The following NSL1 variants were observed in gnomAD, a reference collection of about 807,000 sequenced individuals.
The protein encoded by NSL1 is NSL1 component of MIS12 kinetochore complex, also known as kinetochore-associated protein NSL1 homolog.
In NSL1, 11 loss-of-function variants were observed where a neutral mutation model predicts 25.4. That is an observed-to-expected ratio of 0.43 (90% CI 0.27 to 0.72). NSL1 has a LOEUF of 0.72. Ranked by LOEUF, NSL1 falls within the 30% of genes least tolerant of loss-of-function variation. The probability of loss-of-function intolerance (pLI) is 0.19; values close to 1 mark genes in which losing one functional copy is unlikely to be tolerated. For synonymous variants in NSL1, 118 were observed against 120.6 expected (o/e 0.98, Z 0.14); for missense variants, 330 against 342.7 (o/e 0.96, Z 0.29).
chr1:212,761,628 T>A (rs1309274421), intron 4 of NSL1, among the ~76,000 whole-genome samples: 1 of 151,324 alleles, frequency 6.6e-6, no homozygotes, highest in Admixed American at 6.6e-5. Context: ...TCTGAAAAAA[T>A]AAAATATAAA....
In NSL1 at chr1:212,738,715, C is replaced by T. The variant is rs752750683; in HGVS notation, c.568-29G>A. The T allele has an allele frequency of 4.5e-6, 7 of 1,569,304 alleles. No individual in the cohort carries two copies. The Admixed American group carries it at 1.2e-4, about 28-fold the overall frequency. On this transcript the variant is annotated intron_variant, in intron 5 of 5. Coordinates refer to ENST00000366977, the MANE Select transcript of NSL1 (RefSeq NM_015471.4). The stretch of plus-strand genomic sequence containing the variant: ...CAAACAAACAAACAGTAATATTCAA[C>T]ATTAATCTCAGGTTGAAACACAAAC...
chr1:212,748,688 T>C (rs2102439571), intron 4 of NSL1, among the ~76,000 whole-genome samples: 1 of 152,316 alleles, frequency 6.6e-6, no homozygotes, highest in African/African-American at 2.4e-5. Context: ...TGGTTATACC[T>C]GATAGAAATG....
chr1:212,764,614 G>C (rs1383792862), intron 4 of NSL1, among the ~76,000 whole-genome samples: 1 of 152,100 alleles, frequency 6.6e-6, no homozygotes, highest in African/African-American at 2.4e-5. Flanking sequence ...GGGAGGCCAA[G>C]GCAGGCATAT....
At chr1:212,752,802 A>G (rs1659126490) in intron 4 of NSL1, among the ~76,000 whole-genome samples, 1 of 152,136 alleles carries the variant, frequency 6.6e-6, no homozygotes, top group Non-Finnish European at 1.5e-5. Context: ...AGATTGAGTA[A>G]TCAACCTAGT....
At chr1:212,779,065 G>A (rs916575545) in intron 4 of NSL1, among the ~76,000 whole-genome samples, 3 of 151,650 alleles carry the variant, frequency 2.0e-5, no homozygotes, top group Non-Finnish European at 4.4e-5. Flanking sequence ...CCCCATCTAG[G>A]AAGTGAGGAG....
intron 4 of NSL1, among the ~76,000 whole-genome samples, chr1:212,742,158 T>G (rs1402539870): frequency 6.6e-6 from 1 of 152,200 alleles, no homozygotes; most frequent in Admixed American, 6.5e-5. Context: ...GAAATAATAT[T>G]CATCAAAATA....
rs1265885441 is a variant in NSL1, at chr1:212,760,911, T to C, written c.500-21310A>G. ...AGAACAGGCCTGCCTGGAGTCCCCA[T>C]CCCAAGTAAAGACCTATCATACCCT... On this transcript the variant is annotated intron_variant, in intron 4 of 5. Transcript: ENST00000366977. This position sits in a 1 kb window ranked among gnomAD's most constrained non-coding sequence, Gnocchi z 4.3. Among the ~76,000 whole-genome samples the C allele has an allele frequency of 6.6e-6, 1 of 152,134 alleles. No individual in the cohort carries two copies. The highest frequency in any genetic ancestry group is 1.5e-5 in the Non-Finnish European group (1 of 68,020).
Position 212,732,451 on chromosome 1 carries a change from T to A in NSL1, c.*5957A>T. Reference sequence around the variant, plus strand: ...CCTCAGCCTCCTGAGTAGCTGGGATTACAGGCATGCGCCACCACGCCCAGC... The same window carrying A: ...CCTCAGCCTCCTGAGTAGCTGGGATAACAGGCATGCGCCACCACGCCCAGC... On this transcript the variant is annotated 3_prime_UTR_variant, in exon 6 of 6. Transcript: ENST00000366977. 1 of 370,888 alleles carries A rather than the reference T, an allele frequency of 2.7e-6. No individual in the cohort carries two copies. The highest frequency in any genetic ancestry group is 1.4e-3 in the Middle Eastern group (1 of 714). 23.0% of individuals were successfully genotyped at this position (370,888 alleles called of 1,614,324 possible).
chr1:212,728,471 A>T lies in NSL1; in HGVS notation c.*9937T>A. 1.0e-6 allele frequency: 1 copy of T among 985,432 alleles called. No individual in the cohort carries two copies. Among genetic ancestry groups the T allele is most frequent in the Non-Finnish European group, 1.2e-6 (1 of 829,936 alleles). 61.0% of individuals were successfully genotyped at this position (985,432 alleles called of 1,614,324 possible). On this transcript the variant is annotated 3_prime_UTR_variant, in exon 6 of 6. Coordinates refer to ENST00000366977, the MANE Select transcript of NSL1 (RefSeq NM_015471.4). ...TTCTTTGGGTAATCTTTTATCTTGA[A>T]CTACCAAGAGTAGATGAATTGTGAG...
In NSL1 at chr1:212,738,423, A is replaced by G; in HGVS notation, c.831T>C (p.Ile277=). The change falls in exon 6 of 6, where the codon ATT becomes ATC. Residue 277 remains isoleucine, a synonymous_variant. Transcript: ENST00000366977. ...CAGAAAGAGCTCATGTATCAAGATT[A>G]ATTTTCTTTGGCCGCAATGGATACC... ...RKWYPLRPKK[I]NLDT The G allele has an allele frequency of 6.2e-7, 1 of 1,611,376 alleles. No homozygotes were observed. Among genetic ancestry groups the G allele is most frequent in the South Asian group, 1.1e-5 (1 of 90,684 alleles).
intron 4 of NSL1, among the ~76,000 whole-genome samples, chr1:212,754,396 A>G (rs1427628129): frequency 6.6e-6 from 1 of 151,868 alleles, no homozygotes; most frequent in African/African-American, 2.4e-5. Flanking sequence ...GTGCTCCAGA[A>G]GAACAGGAAA....
chr1:212,765,456 A>G (rs1257130174), intron 4 of NSL1, among the ~76,000 whole-genome samples: 1 of 152,258 alleles, frequency 6.6e-6, no homozygotes, highest in Non-Finnish European at 1.5e-5. Flanking sequence ...AACATGCTAC[A>G]TAACAGAAAC....
intron 2 of NSL1, among the ~76,000 whole-genome samples, chr1:212,786,709 G>A (rs1445423632): frequency 2.0e-5 from 3 of 151,852 alleles, no homozygotes; most frequent in Admixed American, 1.3e-4. Flanking sequence ...TTGGGAGGCT[G>A]AGGCATGAGA....
At position 212,747,899 on chromosome 1, in the gene NSL1, G is replaced by C. The variant is rs1439119863; in HGVS notation, c.500-8298C>G. Among the ~76,000 whole-genome samples, 6 of 152,022 alleles carry C rather than the reference G, an allele frequency of 3.9e-5. No homozygotes were observed. The East Asian group carries it at 1.2e-3, about 29-fold the overall frequency. ...CATATCTCAGCCTCCTGAGTAGCTGGGACTACAGGCATGTGCCACCAGGCC... is the reference window on the plus strand; with the variant it reads ...CATATCTCAGCCTCCTGAGTAGCTGCGACTACAGGCATGTGCCACCAGGCC... On this transcript the variant is annotated intron_variant, in intron 4 of 5. Transcript: ENST00000366977.
chr1:212,781,172 T>G lies in NSL1; in HGVS notation c.499+1200A>C, dbSNP rs369602014. 1.4e-3 allele frequency among the ~76,000 whole-genome samples: 208 copies of G among 152,346 alleles called. 1 individual carries two copies. In the South Asian group the frequency reaches 0.027, roughly 20 times the overall value. ...TTGCTTACTTTTGAAGTCTGAATCATATGATACAGAAGATTCTTCCACTAA... is the reference window on the plus strand; with the variant it reads ...TTGCTTACTTTTGAAGTCTGAATCAGATGATACAGAAGATTCTTCCACTAA... On this transcript the variant is annotated intron_variant, in intron 4 of 5. Coordinates refer to ENST00000366977, the MANE Select transcript of NSL1 (RefSeq NM_015471.4).
chr1:212,781,230 A>C (rs1365587367), intron 4 of NSL1, among the ~76,000 whole-genome samples: 3 of 152,256 alleles, frequency 2.0e-5, no homozygotes, highest in African/African-American at 7.2e-5. Context: ...AAGTAAAATC[A>C]CATTTCAAAG....
intron 4 of NSL1, among the ~76,000 whole-genome samples, chr1:212,761,636 A>C (rs868660916): frequency 2.4e-4 from 36 of 152,140 alleles, no homozygotes; most frequent in African/African-American, 8.7e-4. Flanking sequence ...AATAAAATAT[A>C]AAAAATAAAA....
intron 4 of NSL1, among the ~76,000 whole-genome samples, chr1:212,775,942 C>T (rs12743402): frequency 0.4 from 60,933 of 151,586 alleles, 13,884 homozygotes; most frequent in Non-Finnish European, 0.51. Flanking sequence ...ATTCTTCTGC[C>T]TCAGCCTCCC....
At chr1:212,752,198 T>G (rs1329974628) in intron 4 of NSL1, among the ~76,000 whole-genome samples, 1 of 152,220 alleles carries the variant, frequency 6.6e-6, no homozygotes, top group Non-Finnish European at 1.5e-5. Context: ...TTCAGCTACA[T>G]TATAGATTAA....
Sources: allele counts gnomAD v4.1 joint callset (sites outside exome capture counted in the v4.1 genomes callset), GRCh38; gene constraint gnomAD v4.1.1; non-coding constraint Gnocchi (gnomAD v3.1); transcripts MANE v1.5; gene names NCBI Gene and HGNC (gene_info 2026-07-23, HGNC 2026-07-21).